Variants in SPATA31F3 observed in about 807,000 individuals in gnomAD.
The protein encoded by SPATA31F3 is protein SPATA31F3.
the SPATA31F3 span, among the ~76,000 whole-genome samples, chr9:34,890,047 A>G: frequency 6.6e-6 from 1 of 152,184 alleles, no homozygotes; most frequent in Non-Finnish European, 1.5e-5. Context: ...GCCAGTACTG[A>G]GAGGATGGAA....
At chr9:34,894,516 G>GA in the SPATA31F3 span, 1 of 398,478 alleles carries the variant, frequency 2.5e-6, no homozygotes, top group Non-Finnish European at 4.4e-6. Context: ...AGAAACAGAA[G>GA]ATAGTGAGTG....
chr9:34,895,337 A>G, the SPATA31F3 span, among the ~76,000 whole-genome samples: 9 of 152,160 alleles, frequency 5.9e-5, no homozygotes, highest in South Asian at 1.9e-3. Flanking sequence ...GGACTTTAGG[A>G]TGAGACGGGA....
the SPATA31F3 span, chr9:34,892,693 C>T: frequency 4.6e-5 from 21 of 457,602 alleles, no homozygotes; most frequent in Non-Finnish European, 7.7e-5. Flanking sequence ...AGTTGTTTTT[C>T]GTCCTCTCCT....
chr9:34,895,116 G>A, the SPATA31F3 span: 1 of 398,522 alleles, frequency 2.5e-6, no homozygotes, highest in Non-Finnish European at 4.4e-6. Context: ...ATGCAAAGCT[G>A]CTACACCATT....
At chr9:34,891,005 T>TGGATTCGTGAGTGATTGC in the SPATA31F3 span, among the ~76,000 whole-genome samples, 341 of 152,258 alleles carry the variant, frequency 2.2e-3, 1 homozygote, top group African/African-American at 7.4e-3. Context: ...TCTGTGATTG[T>TGGATTCGTGAGTGATTGC]GGATTCGTGA....
chr9:34,889,068 T>G, the SPATA31F3 span: 1 of 398,460 alleles, frequency 2.5e-6, no homozygotes. Flanking sequence ...GGTGGCTCTT[T>G]GCTTAAAGGT....
At chr9:34,893,614 GAAAAAAGAAAA>G in the SPATA31F3 span, among the ~76,000 whole-genome samples, 3 of 150,690 alleles carry the variant, frequency 2.0e-5, no homozygotes, top group Non-Finnish European at 4.4e-5. Flanking sequence ...AAAAAAAAAA[GAAAAAAGAAAA>G]GAAAAAGAAA....
the SPATA31F3 span, among the ~76,000 whole-genome samples, chr9:34,891,320 A>G: frequency 0.47 from 72,058 of 152,108 alleles, 18,045 homozygotes; most frequent in Non-Finnish European, 0.56. Flanking sequence ...CTGCAGAACC[A>G]GTGATTTGTA....
chr9:34,889,326 TTGGC>T, the SPATA31F3 span: 2 of 398,504 alleles, frequency 5.0e-6, no homozygotes, highest in Non-Finnish European at 8.8e-6. Flanking sequence ...GGACCCAGGA[TTGGC>T]TGGACTGAAG....
At chr9:34,892,133 A>G in the SPATA31F3 span, among the ~76,000 whole-genome samples, 6 of 152,224 alleles carry the variant, frequency 3.9e-5, no homozygotes, top group African/African-American at 1.4e-4. Flanking sequence ...GATGTGGCAC[A>G]TTGAGGCCTC....
At chr9:34,893,246 C>G in the SPATA31F3 span, 1 of 439,186 alleles carries the variant, frequency 2.3e-6, no homozygotes, top group East Asian at 3.3e-5. Context: ...TTTCCCAGTC[C>G]TGAAAATCCT....
chr9:34,892,213 C>G, the SPATA31F3 span, among the ~76,000 whole-genome samples: 1 of 152,162 alleles, frequency 6.6e-6, no homozygotes, highest in Admixed American at 6.5e-5. Flanking sequence ...GAGCTAGAAC[C>G]ATGGGGTTTG....
At chr9:34,892,853 G>T in the SPATA31F3 span, 1 of 698,128 alleles carries the variant, frequency 1.4e-6, no homozygotes, top group South Asian at 1.5e-5. Flanking sequence ...CCGGGCAGCT[G>T]ACTGGGTTAA....
At chr9:34,891,114 C>T in the SPATA31F3 span, among the ~76,000 whole-genome samples, 5,414 of 152,254 alleles carry the variant, frequency 0.036, 300 homozygotes, top group African/African-American at 0.12. Flanking sequence ...TCAGTGGCTT[C>T]CTGGGACAGG....
At chr9:34,895,429 A>T in the SPATA31F3 span, 4 of 397,048 alleles carry the variant, frequency 1.0e-5, no homozygotes, top group Non-Finnish European at 1.8e-5. Flanking sequence ...ATAGCTGCCA[A>T]CCAGAATAAT....
chr9:34,893,006 G>A, the SPATA31F3 span: 1 of 821,258 alleles, frequency 1.2e-6, no homozygotes, highest in Non-Finnish European at 2.0e-6. Context: ...GGAGCCCTGT[G>A]ATGGCCCCAG....
the SPATA31F3 span, chr9:34,895,173 C>A: frequency 2.5e-6 from 1 of 398,134 alleles, no homozygotes; most frequent in South Asian, 1.3e-4. Context: ...ATTTCCTGGT[C>A]TTTTTCTGTG....
At chr9:34,892,953 G>A in the SPATA31F3 span, 8 of 689,820 alleles carry the variant, frequency 1.2e-5, no homozygotes, top group Admixed American at 4.3e-5. Flanking sequence ...TCCTGACTAT[G>A]CTTAAAAGAC....
the SPATA31F3 span, chr9:34,895,075 T>C: frequency 2.5e-6 from 1 of 398,570 alleles, no homozygotes; most frequent in Non-Finnish European, 4.4e-6. Flanking sequence ...TGTTGGACTC[T>C]TCGGTGACAC....
Sources: gnomAD v4.1 joint callset for allele counts (sites outside exome capture counted in the v4.1 genomes callset) on GRCh38, gnomAD v4.1.1 for gene constraint, MANE v1.5 for transcripts, NCBI Gene and HGNC (gene_info 2026-07-23, HGNC 2026-07-21) for gene names.